The following GMDS variants were observed in gnomAD, a reference collection of about 807,000 sequenced individuals.
GMDS encodes GDP-mannose 4,6 dehydratase.
A neutral mutation model predicts 49.9 loss-of-function variants in GMDS; 20 were observed. The ratio of observed to expected loss-of-function variants is 0.40; its 90% CI spans 0.28 to 0.58. GMDS has a LOEUF of 0.58. Among genes scored for constraint, GMDS ranks in the 20% least tolerant of loss-of-function variants. The probability of loss-of-function intolerance (pLI) is 0.42; values close to 1 mark genes in which losing one functional copy is unlikely to be tolerated. For missense variants in GMDS, 362 were observed against 481.4 expected, an observed-to-expected ratio of 0.75 and a Z score of 2.32; for synonymous variants, 177 against 178.6, an observed-to-expected ratio of 0.99 and a Z score of 0.07.
intron 9 of GMDS, among the ~76,000 whole-genome samples, chr6:1,714,201 G>C (rs951247289): frequency 6.6e-6 from 1 of 152,086 alleles, no homozygotes; most frequent in Non-Finnish European, 1.5e-5. Context: ...TGTATTTTTA[G>C]TACAGACGGG....
At chr6:1,698,575 C>A (rs1283469553) in intron 9 of GMDS, among the ~76,000 whole-genome samples, 1 of 152,158 alleles carries the variant, frequency 6.6e-6, no homozygotes, top group East Asian at 1.9e-4. Flanking sequence ...AATGAGATGG[C>A]CGGGAGGTGA....
At chr6:1,727,830 A>G (rs922829360) in intron 8 of GMDS, among the ~76,000 whole-genome samples, 2 of 152,246 alleles carry the variant, frequency 1.3e-5, no homozygotes, top group Non-Finnish European at 2.9e-5. Context: ...GGCAAGTATG[A>G]AAACTGTCCT....
intron 4 of GMDS, among the ~76,000 whole-genome samples, chr6:1,977,840 C>A (rs1226595462): frequency 6.6e-6 from 1 of 152,180 alleles, no homozygotes. Context: ...AGAACAGCTG[C>A]TCAGGCACAG....
At chr6:2,044,079 T>C (rs754646765) in intron 4 of GMDS, among the ~76,000 whole-genome samples, 3 of 152,066 alleles carry the variant, frequency 2.0e-5, no homozygotes, top group Non-Finnish European at 4.4e-5. Context: ...GCTGGCAAGG[T>C]TGTGGAGAAA....
At chr6:1,864,803 A>T (rs1197959958) in intron 7 of GMDS, among the ~76,000 whole-genome samples, 2 of 152,186 alleles carry the variant, frequency 1.3e-5, no homozygotes, top group Non-Finnish European at 2.9e-5. Context: ...TGAGCAGCAA[A>T]CACCCGACAA....
In GMDS at chr6:1,885,935, C is replaced by T. The variant is rs146825153; in HGVS notation, c.771+44168G>A. On this transcript the variant is annotated intron_variant, in intron 7 of 10. Transcript: ENST00000380815. ...GACACAGACTGAGTGGTTCCCAGAC[C>T]GCTCTGATTACTGCTGTCTGTAGAA... is the stretch of plus-strand genomic sequence containing the variant. 3.9e-5 allele frequency among the ~76,000 whole-genome samples: 6 copies of T among 152,220 alleles called. No homozygotes were observed. In the East Asian group the frequency reaches 9.6e-4, roughly 24 times the overall value.
rs562001944 is a variant in GMDS at position 2,215,389 on chromosome 6, G to A, written c.102+29932C>T. 1.5e-4 allele frequency among the ~76,000 whole-genome samples: 23 copies of A among 152,208 alleles called. No homozygotes were observed. In the East Asian group the frequency reaches 4.1e-3, roughly 27 times the overall value. ...GGAGGTCTCACAATCATGGCAGAAA[G>A]CAAAAGGAAAAATGAGAGCCAAGCA... On this transcript the variant is annotated intron_variant, in intron 1 of 10. Coordinates refer to ENST00000380815, the MANE Select transcript of GMDS (RefSeq NM_001500.4).
At chr6:1,850,683 C>A (rs879278902) in intron 7 of GMDS, among the ~76,000 whole-genome samples, 10 of 152,164 alleles carry the variant, frequency 6.6e-5, no homozygotes, top group Non-Finnish European at 1.0e-4. Flanking sequence ...ACAGAGCACA[C>A]AGCAAAAAAG....
chr6:2,136,903 AAAC>A (rs1401792881), intron 1 of GMDS, among the ~76,000 whole-genome samples: 12 of 68,534 alleles, frequency 1.8e-4, no homozygotes, highest in Non-Finnish European at 2.2e-4. Context: ...ACTTCATTTC[AAAC>A]AAAAAAAAAA....
intron 1 of GMDS, among the ~76,000 whole-genome samples, chr6:2,207,704 C>T (rs539766836): frequency 4.2e-4 from 64 of 151,980 alleles, no homozygotes; most frequent in East Asian, 1.7e-3. Flanking sequence ...AAGAGCAATT[C>T]GCCTATTGTT....
At chr6:1,943,155 T>G (rs3800145) in intron 6 of GMDS, among the ~76,000 whole-genome samples, 16,458 of 152,272 alleles carry the variant, frequency 0.11, 947 homozygotes, top group South Asian at 0.18. Flanking sequence ...GACATCCTAC[T>G]GTGTGCAGAC....
At chr6:1,748,678 A>G (rs1229721848) in intron 7 of GMDS, among the ~76,000 whole-genome samples, 22 of 152,224 alleles carry the variant, frequency 1.4e-4, no homozygotes, top group Non-Finnish European at 2.9e-5. Context: ...GTTGCAGCAC[A>G]AAACAGCCAT....
At chr6:1,995,816 G>A (rs1338944199) in intron 4 of GMDS, among the ~76,000 whole-genome samples, 1 of 152,160 alleles carries the variant, frequency 6.6e-6, no homozygotes, top group Non-Finnish European at 1.5e-5. Flanking sequence ...ACCTGGTTCT[G>A]GGAACACCTC....
At chr6:1,946,170 G>A (rs1561912975) in intron 6 of GMDS, among the ~76,000 whole-genome samples, 1 of 152,160 alleles carries the variant, frequency 6.6e-6, no homozygotes, top group Non-Finnish European at 1.5e-5. Context: ...CAGGAAGAAT[G>A]GTCTTGAGGA....
At chr6:1,636,002 CCCT>C (rs1172697194) in intron 9 of GMDS, among the ~76,000 whole-genome samples, 4 of 152,162 alleles carry the variant, frequency 2.6e-5, no homozygotes, top group Admixed American at 2.6e-4. Flanking sequence ...ACCGTGGCAG[CCCT>C]CCTCATCACA....
intron 7 of GMDS, among the ~76,000 whole-genome samples, chr6:1,744,136 A>C (rs188484846): frequency 8.4e-4 from 128 of 152,330 alleles, no homozygotes; most frequent in Non-Finnish European, 1.7e-3. Flanking sequence ...CTTCTAAAAA[A>C]TAAAATTTAA....
intron 7 of GMDS, among the ~76,000 whole-genome samples, chr6:1,906,107 T>C (rs992297059): frequency 6.6e-6 from 1 of 152,210 alleles, no homozygotes; most frequent in African/African-American, 2.4e-5. Context: ...TTACTGTAAC[T>C]GTTAGCTTTG....
intron 4 of GMDS, among the ~76,000 whole-genome samples, chr6:2,032,908 G>C (rs1769059716): frequency 6.6e-6 from 1 of 152,216 alleles, no homozygotes; most frequent in East Asian, 1.9e-4. Context: ...CTAAGGAGAG[G>C]ATGCAAAGAA....
intron 9 of GMDS, among the ~76,000 whole-genome samples, chr6:1,647,006 C>T (rs1019793885): frequency 6.6e-6 from 1 of 152,144 alleles, no homozygotes; most frequent in African/African-American, 2.4e-5. Flanking sequence ...GCCTCTTGCC[C>T]CTTCCTTGCC....
Sources: gnomAD v4.1 joint callset for allele counts (sites outside exome capture counted in the v4.1 genomes callset) on GRCh38, gnomAD v4.1.1 for gene constraint, MANE v1.5 for transcripts, NCBI Gene and HGNC (gene_info 2026-07-23, HGNC 2026-07-21) for gene names.